The following AKAP10 variants were observed in gnomAD, a reference collection of about 807,000 sequenced individuals.
AKAP10 encodes A-kinase anchor protein 10, mitochondrial.
A neutral mutation model predicts 80.8 loss-of-function variants in AKAP10; 24 were observed. The ratio of observed to expected loss-of-function variants is 0.30; its 90% CI spans 0.22 to 0.42. The LOEUF is 0.42. Ranked by LOEUF, AKAP10 falls within the 10% of genes least tolerant of loss-of-function variation. The probability of loss-of-function intolerance (pLI) is 1.00; values close to 1 mark genes in which losing one functional copy is unlikely to be tolerated. For missense variants in AKAP10, 661 were observed against 794.9 expected, an observed-to-expected ratio of 0.83 and a Z score of 2.03; for synonymous variants, 291 against 277.7, an observed-to-expected ratio of 1.05 and a Z score of -0.48.
At chr17:19,912,492 G>A (rs183090349) in intron 12 of AKAP10, among the ~76,000 whole-genome samples, 71 of 152,178 alleles carry the variant, frequency 4.7e-4, no homozygotes, top group Admixed American at 4.5e-3. Flanking sequence ...AGCCAACATC[G>A]CACCACTGCA....
In AKAP10 at chr17:19,924,524, T is replaced by C. The variant is rs374765026; in HGVS notation, c.1642-7A>G. 75 of 1,556,736 alleles carry C rather than the reference T, an allele frequency of 4.8e-5. No homozygotes were observed. In the African/African-American group the frequency reaches 7.5e-4, roughly 16 times the overall value. On this transcript the variant is annotated splice_region_variant and splice_polypyrimidine_tract_variant and intron_variant, in intron 10 of 14. Coordinates refer to ENST00000225737, the MANE Select transcript of AKAP10 (RefSeq NM_007202.4). Reference sequence around the variant, plus strand: ...TGGCTTTTTTCACACTGGACTACAATAGAAATTGTAAAATTAGAAGTATAT... The same window carrying C: ...TGGCTTTTTTCACACTGGACTACAACAGAAATTGTAAAATTAGAAGTATAT...
At chr17:19,945,207 T>C (rs1238305351) in intron 5 of AKAP10, among the ~76,000 whole-genome samples, 2 of 151,408 alleles carry the variant, frequency 1.3e-5, no homozygotes, top group African/African-American at 2.4e-5. Context: ...TCATCATTAA[T>C]TTGATTAAGC....
chr17:19,943,901 A>G (rs952983142), intron 5 of AKAP10, among the ~76,000 whole-genome samples: 4 of 152,212 alleles, frequency 2.6e-5, no homozygotes, highest in Non-Finnish European at 5.9e-5. Context: ...AATCATCTGC[A>G]GAATTGGTAG....
At chr17:19,930,125 T>C (rs2042917033) in intron 10 of AKAP10, among the ~76,000 whole-genome samples, 1 of 152,120 alleles carries the variant, frequency 6.6e-6, no homozygotes, top group African/African-American at 2.4e-5. Flanking sequence ...GAGAGCTTTG[T>C]AAATGGCAAT....
chr17:19,921,193 G>C (rs1435944710), intron 11 of AKAP10, among the ~76,000 whole-genome samples: 1 of 150,418 alleles, frequency 6.6e-6, no homozygotes, highest in Admixed American at 6.6e-5. Flanking sequence ...TTTTGAGACA[G>C]AGTCTCACTC....
At chr17:19,949,498 G>A (rs752336797) in intron 4 of AKAP10, among the ~76,000 whole-genome samples, 40 of 152,204 alleles carry the variant, frequency 2.6e-4, no homozygotes, top group African/African-American at 9.4e-4. Flanking sequence ...TTAGCCGGGC[G>A]CGGTGGCTCA....
At chr17:19,946,239 ATATATATAT>A (rs2043114964) in intron 5 of AKAP10, among the ~76,000 whole-genome samples, 1 of 7,748 alleles carries the variant, frequency 1.3e-4, no homozygotes, top group African/African-American at 6.0e-4. Context: ...TATATATATT[ATATATATAT>A]ATATATATAT....
At position 19,964,269 on chromosome 17, in the gene AKAP10, C is replaced by T. The variant is rs1033555908; in HGVS notation, c.137-1247G>A. 2.0e-4 allele frequency among the ~76,000 whole-genome samples: 31 copies of T among 152,244 alleles called. 1 individual carries two copies. Among genetic ancestry groups the T allele is most frequent in the Admixed American group, 6.5e-5 (1 of 15,286 alleles). On this transcript the variant is annotated intron_variant, in intron 2 of 14. Transcript: ENST00000225737. The stretch of plus-strand genomic sequence containing the variant: ...TACTAACTCATTTGTACAAGGCTTT[C>T]CCCGGTCCCTCTTAACATCTCTCTT...
chr17:19,933,264 C>A (rs1009486229), intron 9 of AKAP10, among the ~76,000 whole-genome samples: 2 of 152,178 alleles, frequency 1.3e-5, no homozygotes, highest in Non-Finnish European at 2.9e-5. Context: ...GGTGATCCAC[C>A]CGCCTCGATC....
intron 12 of AKAP10, among the ~76,000 whole-genome samples, chr17:19,917,337 C>A (rs2042756294): frequency 6.6e-6 from 1 of 152,030 alleles, no homozygotes; most frequent in Non-Finnish European, 1.5e-5. Context: ...GGGAGGAGAC[C>A]CCATTATCCT....
intron 4 of AKAP10, among the ~76,000 whole-genome samples, chr17:19,949,499 C>T (rs951246143): frequency 1.3e-5 from 2 of 152,032 alleles, no homozygotes; most frequent in Non-Finnish European, 2.9e-5. Context: ...TAGCCGGGCG[C>T]GGTGGCTCAC....
At chr17:19,940,551 T>A (rs936347987) in intron 7 of AKAP10, among the ~76,000 whole-genome samples, 5 of 152,216 alleles carry the variant, frequency 3.3e-5, no homozygotes, top group Non-Finnish European at 7.4e-5. Context: ...CTACTTTTTT[T>A]CTCTTCTGAA....
At chr17:19,929,569 C>G (rs2042910754) in intron 10 of AKAP10, 1 of 152,096 alleles carries the variant, frequency 6.6e-6, no homozygotes, top group African/African-American at 2.4e-5. Context: ...TGTGAACATT[C>G]TTCAAGGTGT....
At chr17:19,959,161 A>G (rs1366226861) in intron 3 of AKAP10, among the ~76,000 whole-genome samples, 1 of 152,082 alleles carries the variant, frequency 6.6e-6, no homozygotes, top group Admixed American at 6.6e-5. Flanking sequence ...CCCAGACTAC[A>G]TAAATTCTTA....
intron 9 of AKAP10, among the ~76,000 whole-genome samples, chr17:19,934,985 C>A (rs1367018963): frequency 6.6e-6 from 1 of 152,210 alleles, no homozygotes; most frequent in African/African-American, 2.4e-5. Context: ...GCACTCCAGC[C>A]TGGACAATGG....
chr17:19,915,005 G>A (rs1376266809), intron 12 of AKAP10, among the ~76,000 whole-genome samples: 1 of 152,176 alleles, frequency 6.6e-6, no homozygotes, highest in Non-Finnish European at 1.5e-5. Context: ...GAAGAGATGA[G>A]GTGGATGATT....
At position 19,958,547 on chromosome 17, in the gene AKAP10, G is replaced by C. The variant is rs752566303; in HGVS notation, c.344C>G (p.Thr115Ser). 3.1e-6 allele frequency: 5 copies of C among 1,604,836 alleles called. No individual in the cohort carries two copies. The South Asian group carries it at 5.5e-5, about 18-fold the overall frequency. ...DLGRSCLDYQ[T>S]QETKSSLSKT... is the part of the protein sequence containing the mutation. ...AGAAAGGCTTGATTTGGTCTCTTGA[G>C]TCTGGTAGTCCAGACAAGATCTGCC... Residue 115 changes from threonine (T) to serine (S), a missense_variant, in exon 4 of 15, where the codon ACT becomes AGT. By Grantham distance (58) the Thr-to-Ser change is moderately conservative (BLOSUM62 1). Coordinates refer to ENST00000225737, the MANE Select transcript of AKAP10 (RefSeq NM_007202.4).
chr17:19,965,963 T>C (rs2043412899), intron 2 of AKAP10, among the ~76,000 whole-genome samples: 2 of 152,258 alleles, frequency 1.3e-5, no homozygotes, highest in South Asian at 4.1e-4. Context: ...GTTGAATACT[T>C]TGCCCTAGGT....
At chr17:19,954,104 T>C (rs2043245533) in intron 4 of AKAP10, among the ~76,000 whole-genome samples, 1 of 151,782 alleles carries the variant, frequency 6.6e-6, no homozygotes, top group Admixed American at 6.6e-5. Context: ...AAAGAAGAAA[T>C]GACACCAATT....
Sources: gnomAD v4.1 joint callset for allele counts (sites outside exome capture counted in the v4.1 genomes callset) on GRCh38, gnomAD v4.1.1 for gene constraint, MANE v1.5 for transcripts, NCBI Gene and HGNC (gene_info 2026-07-23, HGNC 2026-07-21) for gene names.